Variants in ENOX1 observed in about 807,000 individuals in gnomAD.
The protein encoded by ENOX1 is ecto-NOX disulfide-thiol exchanger 1, also known as candidate growth-related and time keeping constitutive hydroquinone (NADH) oxidase.
ENOX1 carries 42 observed loss-of-function variants against 82.5 expected under a neutral mutation model. That is an observed-to-expected ratio of 0.51 (90% CI 0.40 to 0.66). The LOEUF (loss-of-function observed/expected upper bound fraction) is 0.66, where lower values mean the gene tolerates loss of function less well. Among genes scored for constraint, ENOX1 ranks in the 30% least tolerant of loss-of-function variants. The pLI, the probability that ENOX1 is intolerant of heterozygous loss-of-function variation, is 0.00. For synonymous variants in ENOX1, 271 were observed against 282.2 expected (o/e 0.96, Z 0.40); for missense variants, 608 against 811.6 (o/e 0.75, Z 3.05).
intron 2 of ENOX1, among the ~76,000 whole-genome samples, chr13:43,592,239 C>G (rs1225291250): frequency 1.3e-5 from 2 of 152,160 alleles, no homozygotes; most frequent in African/African-American, 4.8e-5. Context: ...ATGTTAGTGA[C>G]TTCTGAATTT....
intron 2 of ENOX1, among the ~76,000 whole-genome samples, chr13:43,579,090 A>ATATTAATATTAGCT (rs1198839283): frequency 6.6e-6 from 1 of 151,918 alleles, no homozygotes; most frequent in Non-Finnish European, 1.5e-5. Context: ...CAAGGGATTA[A>ATATTAATATTAGCT]TATTAATATT....
intron 9 of ENOX1, among the ~76,000 whole-genome samples, chr13:43,335,131 T>C (rs1186591633): frequency 6.6e-6 from 1 of 152,230 alleles, no homozygotes; most frequent in Non-Finnish European, 1.5e-5. Flanking sequence ...AAGGAACAGA[T>C]AGCAATTATT....
rs1312983530 is a variant in ENOX1 at position 43,460,793 on chromosome 13, C to CAAAAAAAA, written c.-75+23208_-75+23215dup. Reference sequence around the variant, plus strand: ...CGGGCGACAGAGCGAGACTCCATCTCAAAAAAAAAAAAAAAAAAAAAAAAA... The same window carrying CAAAAAAAA: ...CGGGCGACAGAGCGAGACTCCATCTCAAAAAAAAAAAAAAAAAAAAAAAAAAAAAAAAA... On this transcript the variant is annotated intron_variant, in intron 3 of 16. Coordinates refer to ENST00000690772, the MANE Select transcript of ENOX1 (RefSeq NM_001347969.2). 5.7e-3 allele frequency among the ~76,000 whole-genome samples: 146 copies of CAAAAAAAA among 25,720 alleles called. 10 individuals carry two copies. The highest frequency in any genetic ancestry group is 0.024 in the Middle Eastern group (1 of 42). The allele number at this position is 25,720 out of a possible 152,430, so 16.9% of individuals were successfully genotyped here.
chr13:43,333,556 G>A (rs149530753), intron 9 of ENOX1, among the ~76,000 whole-genome samples: 7 of 152,288 alleles, frequency 4.6e-5, no homozygotes, highest in African/African-American at 1.4e-4. Context: ...CCCTCGAAAC[G>A]GCAACCCTGA....
At chr13:43,376,036 T>C (rs1237941629) in intron 5 of ENOX1, among the ~76,000 whole-genome samples, 2 of 152,206 alleles carry the variant, frequency 1.3e-5, no homozygotes, top group African/African-American at 4.8e-5. Context: ...TATTTGCTTG[T>C]TGTAACTGAA....
At chr13:43,309,083 G>A (rs1266130428) in intron 11 of ENOX1, among the ~76,000 whole-genome samples, 2 of 149,388 alleles carry the variant, frequency 1.3e-5, no homozygotes, top group East Asian at 2.0e-4. Context: ...GTGCAGTGGT[G>A]TGACCTTGGC....
chr13:43,470,287 TATATATACAC>T, intron 3 of ENOX1, among the ~76,000 whole-genome samples: 1 of 67,236 alleles, frequency 1.5e-5, no homozygotes, highest in Admixed American at 1.4e-4. Flanking sequence ...TATATACATA[TATATATACAC>T]ATATATATAC....
In ENOX1 at chr13:43,371,877, C is replaced by T. The variant is rs550187956; in HGVS notation, c.209-10425G>A. ...ACATCATGAATATTCCTAAAGAGAA[C>T]TGCAAATTGTGTGTGGTCTGTAAAT... On this transcript the variant is annotated intron_variant, in intron 5 of 16. Coordinates refer to ENST00000690772, the MANE Select transcript of ENOX1 (RefSeq NM_001347969.2). Among the ~76,000 whole-genome samples, 10 of 152,240 alleles carry T rather than the reference C, an allele frequency of 6.6e-5. No individual in the cohort carries two copies. In the South Asian group the frequency reaches 1.5e-3, roughly 22 times the overall value.
chr13:43,425,315 A>G (rs948137129), intron 3 of ENOX1, among the ~76,000 whole-genome samples: 16 of 152,218 alleles, frequency 1.1e-4, no homozygotes, highest in Admixed American at 8.5e-4. Flanking sequence ...TGCTGATGGA[A>G]AGGCTCCAGC....
intron 2 of ENOX1, among the ~76,000 whole-genome samples, chr13:43,593,386 C>T (rs900748664): frequency 6.6e-6 from 1 of 152,122 alleles, no homozygotes; most frequent in African/African-American, 2.4e-5. Flanking sequence ...GAAGCCACTG[C>T]AGGAGGGCCC....
intron 9 of ENOX1, among the ~76,000 whole-genome samples, chr13:43,341,374 G>A (rs1350960980): frequency 6.6e-6 from 1 of 152,046 alleles, no homozygotes; most frequent in African/African-American, 2.4e-5. Context: ...CTGAAGAGGT[G>A]GCTCTTGATC....
In ENOX1 at chr13:43,640,869, T is replaced by TGCACACACACGC. The variant is rs1566688658; in HGVS notation, c.-219+26609_-219+26610insGCGTGTGTGTGC. ...ACTTGTTTTAGAACACATACACACATGCACACACACACGCGCACACACACA... is the reference window on the plus strand; with the variant it reads ...ACTTGTTTTAGAACACATACACACATGCACACACACGCGCACACACACACGCGCACACACACA... On this transcript the variant is annotated intron_variant, in intron 2 of 16. Transcript: ENST00000690772. 1.6e-4 allele frequency among the ~76,000 whole-genome samples: 9 copies of TGCACACACACGC among 56,942 alleles called. No homozygotes were observed. In the East Asian group the frequency reaches 0.01, roughly 66 times the overall value. The allele number at this position is 56,942 out of a possible 152,430, so 37.4% of individuals were successfully genotyped here. A position where few individuals can be genotyped will look rare whatever the true frequency, so the allele number is the denominator to read the frequency against.
chr13:43,557,090 G>A, intron 2 of ENOX1, among the ~76,000 whole-genome samples: 1 of 152,202 alleles, frequency 6.6e-6, no homozygotes, highest in South Asian at 2.1e-4. Context: ...CAGGACATTA[G>A]AGTCCCACCC....
intron 1 of ENOX1, among the ~76,000 whole-genome samples, chr13:43,702,781 T>C (rs1480690489): frequency 6.6e-6 from 1 of 151,772 alleles, no homozygotes; most frequent in Non-Finnish European, 1.5e-5. Context: ...TGAAACCCCA[T>C]CTCTACTAAA....
intron 2 of ENOX1, among the ~76,000 whole-genome samples, chr13:43,526,362 C>T (rs1027349448): frequency 3.9e-5 from 6 of 152,102 alleles, no homozygotes; most frequent in East Asian, 3.9e-4. Flanking sequence ...GCCTTTGTTT[C>T]GTACCCATTA....
At chr13:43,618,359 G>C (rs2082574154) in intron 2 of ENOX1, among the ~76,000 whole-genome samples, 1 of 152,110 alleles carries the variant, frequency 6.6e-6, no homozygotes, top group Admixed American at 6.6e-5. Flanking sequence ...TTATCTTGTA[G>C]AATTTTTATA....
chr13:43,697,183 T>C (rs1469611403), intron 1 of ENOX1, among the ~76,000 whole-genome samples: 2 of 152,010 alleles, frequency 1.3e-5, no homozygotes, highest in African/African-American at 4.8e-5. Flanking sequence ...ATTTTAGACA[T>C]AGATTGGGTT....
chr13:43,457,165 A>G (rs2057272792), intron 3 of ENOX1, among the ~76,000 whole-genome samples: 1 of 152,178 alleles, frequency 6.6e-6, no homozygotes, highest in Non-Finnish European at 1.5e-5. Flanking sequence ...TAATAAAACC[A>G]GAAGTTTCTA....
chr13:43,769,949 T>C lies in ENOX1; in HGVS notation c.-285+16703A>G, dbSNP rs566535388. Among the ~76,000 whole-genome samples, 10 of 152,336 alleles carry C rather than the reference T, an allele frequency of 6.6e-5. No individual in the cohort carries two copies. The South Asian group carries it at 1.7e-3, about 25-fold the overall frequency. ...AGTTTCATGGCTTAGATGGCTTATGTAAAATGCAAAAGGAGCGTATCTTTT... is the reference window on the plus strand; with the variant it reads ...AGTTTCATGGCTTAGATGGCTTATGCAAAATGCAAAAGGAGCGTATCTTTT... On this transcript the variant is annotated intron_variant, in intron 1 of 16. Transcript: ENST00000690772.
Sources: allele counts gnomAD v4.1 joint callset (sites outside exome capture counted in the v4.1 genomes callset), GRCh38; gene constraint gnomAD v4.1.1; transcripts MANE v1.5; gene names NCBI Gene and HGNC (gene_info 2026-07-23, HGNC 2026-07-21).